PGM5: variants seen among roughly 807,000 people sequenced by gnomAD.
The protein encoded by PGM5 is phosphoglucomutase 5, also known as phosphoglucomutase-like protein 5.
In PGM5, 23 loss-of-function variants were observed where a neutral mutation model predicts 59.2. That is an observed-to-expected ratio of 0.39 (90% CI 0.28 to 0.55). The LOEUF (loss-of-function observed/expected upper bound fraction) is 0.55, where lower values mean the gene tolerates loss of function less well. PGM5 is among the 20% of genes least tolerant of loss of function. The pLI is 0.66. For synonymous variants in PGM5, 214 were observed against 286.0 expected (o/e 0.75, Z 2.54); for missense variants, 574 against 748.3 (o/e 0.77, Z 2.72).
At chr9:68,417,439 G>T (rs577623498) in intron 6 of PGM5, among the ~76,000 whole-genome samples, 1 of 152,166 alleles carries the variant, frequency 6.6e-6, no homozygotes, top group Non-Finnish European at 1.5e-5. Context: ...CGTGTGAAAT[G>T]CTTGTGTTGT....
intron 6 of PGM5, among the ~76,000 whole-genome samples, chr9:68,439,313 C>T (rs1187114541): frequency 3.3e-5 from 5 of 151,342 alleles, no homozygotes; most frequent in Admixed American, 6.6e-5. Context: ...CTGCAGTGAA[C>T]TGTGTTCATG....
At chr9:68,429,300 T>G (rs1303429480) in intron 6 of PGM5, 2 of 152,178 alleles carry the variant, frequency 1.3e-5, no homozygotes, top group Admixed American at 1.3e-4. Flanking sequence ...ATCTGATATA[T>G]GCCTACCGTG....
At chr9:68,404,513 A>AAT (rs1822753287) in intron 6 of PGM5, among the ~76,000 whole-genome samples, 1 of 152,206 alleles carries the variant, frequency 6.6e-6, no homozygotes, top group Non-Finnish European at 1.5e-5. Context: ...TCTAGTAAAT[A>AAT]ATATGTTAGC....
At chr9:68,363,231 A>G (rs1234225848) in intron 1 of PGM5, among the ~76,000 whole-genome samples, 3 of 152,286 alleles carry the variant, frequency 2.0e-5, no homozygotes, top group African/African-American at 4.8e-5. Context: ...AGCACTGTTC[A>G]ATAGAAGTTT....
At chr9:68,439,482 A>G (rs1823492932) in intron 6 of PGM5, among the ~76,000 whole-genome samples, 1 of 146,882 alleles carries the variant, frequency 6.8e-6, no homozygotes, top group Non-Finnish European at 1.5e-5. Flanking sequence ...CTGTTCTGCC[A>G]TATACTCTCC....
rs567593031 is a variant in PGM5 at position 68,529,817 on chromosome 9, A to T, written c.*161A>T. The T allele has an allele frequency of 9.3e-6, 5 of 540,290 alleles. No homozygotes were observed. Among genetic ancestry groups the T allele is most frequent in the African/African-American group, 2.0e-5 (1 of 50,774 alleles). The allele number at this position is 540,290 out of a possible 1,614,324, so 33.5% of individuals were successfully genotyped here. A position where few individuals can be genotyped will look rare whatever the true frequency, so the allele number is the denominator to read the frequency against. ...GTGGGTGGGAAAAGAAAAAAAATCC[A>T]TTTGGTTTTGGTTTTGTCCTATTCC... On this transcript the variant is annotated 3_prime_UTR_variant, in exon 11 of 11. Transcript: ENST00000396396.
intron 9 of PGM5, among the ~76,000 whole-genome samples, chr9:68,492,994 G>A (rs1408060845): frequency 2.6e-5 from 4 of 152,152 alleles, no homozygotes; most frequent in Non-Finnish European, 1.5e-5. Flanking sequence ...CTCTTCCAAG[G>A]CTGTCCTGTC....
intron 7 of PGM5, among the ~76,000 whole-genome samples, chr9:68,473,056 A>AT (rs1824046999): frequency 6.6e-6 from 1 of 152,190 alleles, no homozygotes; most frequent in African/African-American, 2.4e-5. Flanking sequence ...AGATCTGAAC[A>AT]TAAGTGGTTT....
At position 68,407,460 on chromosome 9, in the gene PGM5, G is replaced by T. The variant is rs1414951970; in HGVS notation, c.1043+14987G>T. 3.3e-5 allele frequency among the ~76,000 whole-genome samples: 5 copies of T among 152,082 alleles called. No homozygotes were observed. In the East Asian group the frequency reaches 7.7e-4, roughly 23 times the overall value. On this transcript the variant is annotated intron_variant, in intron 6 of 10. Coordinates refer to ENST00000396396, the MANE Select transcript of PGM5 (RefSeq NM_021965.4). ...TATTGCCTTTTGATCCGTACTTTTT[G>T]ATTAATATCCTCTAAAACACATGAA...
At chr9:68,475,184 A>ATTTTTTTT (rs782687667) in intron 7 of PGM5, among the ~76,000 whole-genome samples, 52 of 112,766 alleles carry the variant, frequency 4.6e-4, no homozygotes, top group African/African-American at 8.2e-4. Flanking sequence ...TGCCTGGCTA[A>ATTTTTTTT]TTTTTTTTTT....
chr9:68,397,288 C>G, intron 6 of PGM5: 1 of 152,744 alleles, frequency 6.5e-6, no homozygotes, highest in Non-Finnish European at 1.5e-5. Flanking sequence ...GTGTCATCAT[C>G]CTTCCATAAT....
intron 5 of PGM5, 125 bp downstream of exon 5, chr9:68,391,849 C>G (rs1186028502): frequency 1.1e-6 from 1 of 881,734 alleles, no homozygotes; most frequent in African/African-American, 1.7e-5. Context: ...CTAACTGGCT[C>G]TGCATCTGCC....
chr9:68,395,720 TA>T (rs2132016589), intron 6 of PGM5: 1 of 152,314 alleles, frequency 6.6e-6, no homozygotes, highest in East Asian at 1.9e-4. Flanking sequence ...TTTATGAATT[TA>T]ATTTTCCAAT....
At chr9:68,472,924 A>G (rs902207840) in intron 7 of PGM5, among the ~76,000 whole-genome samples, 12 of 152,204 alleles carry the variant, frequency 7.9e-5, no homozygotes. Context: ...CCTGGCTCTG[A>G]CTTACATGCA....
At chr9:68,461,416 T>C (rs1823856949) in intron 6 of PGM5, among the ~76,000 whole-genome samples, 1 of 152,222 alleles carries the variant, frequency 6.6e-6, no homozygotes, top group African/African-American at 2.4e-5. Context: ...AGATGGATTG[T>C]TGACCACGTA....
intron 6 of PGM5, chr9:68,396,324 A>G (rs1822500850): frequency 6.6e-6 from 1 of 152,224 alleles, no homozygotes; most frequent in Admixed American, 6.5e-5. Flanking sequence ...GTACTACTGT[A>G]TCTGCCCAAT....
chr9:68,444,345 G>A (rs145980763), intron 6 of PGM5, among the ~76,000 whole-genome samples: 237 of 152,210 alleles, frequency 1.6e-3, no homozygotes, highest in African/African-American at 5.3e-3. Flanking sequence ...AAATGCTAGT[G>A]CATATGGTTA....
At chr9:68,379,664 T>G (rs1210503589) in intron 2 of PGM5, among the ~76,000 whole-genome samples, 44 of 152,092 alleles carry the variant, frequency 2.9e-4, no homozygotes, top group Non-Finnish European at 6.0e-4. Context: ...AATGGCTGAG[T>G]GGATCAACAA....
chr9:68,392,509 A>G (rs1554679597), intron 6 of PGM5, 36 bp downstream of exon 6: 2 of 1,606,048 alleles, frequency 1.2e-6, no homozygotes. Flanking sequence ...ACTTTATGGT[A>G]GACCTTTGGC....
Sources: gnomAD v4.1 joint callset for allele counts (sites outside exome capture counted in the v4.1 genomes callset) on GRCh38, gnomAD v4.1.1 for gene constraint, MANE v1.5 for transcripts, NCBI Gene and HGNC (gene_info 2026-07-23, HGNC 2026-07-21) for gene names.